Variants in BAAT observed in about 807,000 individuals in gnomAD.
BAAT encodes bile acid CoA: amino acid N-acyltransferase (glycine N-choloyltransferase).
A neutral mutation model predicts 18.9 loss-of-function variants in BAAT; 13 were observed. The ratio of observed to expected loss-of-function variants is 0.69; its 90% confidence interval spans 0.45 to 1.10. BAAT has a LOEUF of 1.10. BAAT is among the 50% of genes least tolerant of loss of function. The pLI is 0.00. For missense variants in BAAT, 489 were observed against 504.0 expected (o/e 0.97, Z 0.28); for synonymous variants, 170 against 190.7 (o/e 0.89, Z 0.89).
At chr9:101,372,908 G>A (rs983629966) in intron 1 of BAAT, among the ~76,000 whole-genome samples, 25 of 152,178 alleles carry the variant, frequency 1.6e-4, no homozygotes, top group African/African-American at 5.1e-4. Context: ...TAGCCACAGA[G>A]TAAGTCTTTC....
At position 101,362,137 on chromosome 9, in the gene BAAT, T is replaced by A. The variant is rs1829736770; in HGVS notation, c.*291A>T. On this transcript the variant is annotated 3_prime_UTR_variant, in exon 4 of 4. Transcript: ENST00000259407. The stretch of plus-strand genomic sequence containing the variant: ...GCTATTCTTGTTTGCCTTTTCTTAT[T>A]TTTGCCAGTGTACTATACCTCAGTC... 2.0e-6 allele frequency: 1 copy of A among 488,788 alleles called. No individual in the cohort carries two copies. The highest frequency in any genetic ancestry group is 3.6e-6 in the Non-Finnish European group (1 of 274,968). The allele number at this position is 488,788 out of a possible 1,614,324, so 30.3% of individuals were successfully genotyped here. A position where few individuals can be genotyped will look rare whatever the true frequency, so the allele number is the denominator to read the frequency against.
intron 1 of BAAT, among the ~76,000 whole-genome samples, 21 bp downstream of exon 1, chr9:101,384,834 G>A (rs1204598446): frequency 2.0e-5 from 3 of 152,088 alleles, no homozygotes; most frequent in Non-Finnish European, 4.4e-5. Context: ...ATGGAAGTAA[G>A]TAAATGAAAA....
At chr9:101,377,489 G>T (rs1035006460) in intron 1 of BAAT, among the ~76,000 whole-genome samples, 1 of 152,178 alleles carries the variant, frequency 6.6e-6, no homozygotes, top group Non-Finnish European at 1.5e-5. Flanking sequence ...GAGTACAGAA[G>T]TTCCTGAGAC....
intron 2 of BAAT, 145 bp from the exon 3 acceptor site, chr9:101,368,467 A>C: frequency 2.6e-6 from 2 of 758,636 alleles, no homozygotes; most frequent in Non-Finnish European, 4.1e-6. Flanking sequence ...TGAGAACACA[A>C]AGCAGAAATG....
chr9:101,362,536 G>T lies in BAAT; in HGVS notation c.1149C>A (p.His383Gln), dbSNP rs767492181. The change falls in exon 4 of 4, where the codon CAC (histidine) becomes CAA (glutamine). Residue 383 changes from histidine to glutamine, a missense_variant. His to Gln is a conservative substitution (Grantham distance 24). Transcript: ENST00000259407. ...CASTTHDLRL[H>Q]WGGEVIPHAA... ...CGTGTGGGATCACCTCTCCTCCCCA[G>T]TGTAACCTCAAATCGTGGGTCGTTG... 7 of 1,613,972 alleles carry T rather than the reference G, an allele frequency of 4.3e-6. No individual in the cohort carries two copies. In the South Asian group the frequency reaches 6.6e-5, roughly 15 times the overall value.
Position 101,362,896 on chromosome 9 carries a change from A to G in BAAT, c.789T>C (p.Pro263=). 1 of 1,614,110 alleles carries G rather than the reference A, an allele frequency of 6.2e-7. No homozygotes were observed. The highest frequency in any genetic ancestry group is 1.1e-5 in the South Asian group (1 of 91,086). The part of the protein sequence containing the change: ...ATVLINGTNF[P]FGIPQVYHGQ... ...CATGATATACCTGTGGAATGCCAAA[A>G]GGAAAGTTGGTCCCATTAATAAGTA... is the stretch of plus-strand genomic sequence containing the variant. Residue 263 remains proline (P), a synonymous_variant, in exon 4 of 4, where the codon CCT becomes CCC. Transcript: ENST00000259407.
intron 1 of BAAT, 21 bp from the exon 2 acceptor site, chr9:101,371,484 G>C: frequency 7.3e-7 from 1 of 1,374,970 alleles, no homozygotes; most frequent in Non-Finnish European, 1.0e-6. Flanking sequence ...AAAGAAAGAG[G>C]AGCAGTAAAA....
Position 101,371,183 on chromosome 9 carries a change from G to A in BAAT, c.222C>T (p.His74=). 6.2e-7 allele frequency: 1 copy of A among 1,614,132 alleles called. No individual in the cohort carries two copies. The highest frequency in any genetic ancestry group is 8.5e-7 in the Non-Finnish European group (1 of 1,180,020). ...TCAGAGACCAGAAGAGACCCATGGG[G>A]TGGACTCCCATATAATCCCCTCCAA... ...SSLGGDYMGV[H]PMGLFWSLKP... The change falls in exon 2 of 4, where the codon CAC becomes CAT. Residue 74 remains histidine, a synonymous_variant. Transcript: ENST00000259407.
At chr9:101,374,630 T>C in intron 1 of BAAT, among the ~76,000 whole-genome samples, 1 of 152,096 alleles carries the variant, frequency 6.6e-6, no homozygotes, top group African/African-American at 2.4e-5. Context: ...TTTGTCATGA[T>C]AAAATCTAAA....
chr9:101,363,398 A>G (rs1829770876), intron 3 of BAAT, among the ~76,000 whole-genome samples: 1 of 152,178 alleles, frequency 6.6e-6, no homozygotes, highest in African/African-American at 2.4e-5. Context: ...GAGACTGAGA[A>G]AGAAAGTGAG....
intron 1 of BAAT, chr9:101,376,671 C>CA (rs1830053152): frequency 6.6e-6 from 1 of 152,258 alleles, no homozygotes; most frequent in Non-Finnish European, 1.5e-5. Flanking sequence ...ACCTCCCACT[C>CA]ACGCACAAAG....
rs1205128950 is a variant in BAAT, at chr9:101,362,197, T to G, written c.*231A>C. The G allele has an allele frequency of 8.2e-6, 5 of 609,628 alleles. No homozygotes were observed. The highest frequency in any genetic ancestry group is 1.4e-5 in the Non-Finnish European group (5 of 348,870). The allele number at this position is 609,628 out of a possible 1,614,324, so 37.8% of individuals were successfully genotyped here. ...AGACCTGATGGAAAGAAAAGTCATG[T>G]AAATAATAAGTAAAATGATTTGTTT... On this transcript the variant is annotated 3_prime_UTR_variant, in exon 4 of 4. Coordinates refer to ENST00000259407, the MANE Select transcript of BAAT (RefSeq NM_001701.4).
chr9:101,378,258 C>T (rs1830078575), intron 1 of BAAT, among the ~76,000 whole-genome samples: 2 of 152,110 alleles, frequency 1.3e-5, no homozygotes, highest in South Asian at 4.1e-4. Flanking sequence ...CAAAAAAGAG[C>T]CCATATAGTC....
intron 1 of BAAT, chr9:101,376,323 A>T: frequency 4.8e-6 from 1 of 209,768 alleles, no homozygotes. Flanking sequence ...ATGCAAGGCC[A>T]GTGATAACTC....
At chr9:101,365,439 C>G (rs1829810031) in intron 3 of BAAT, among the ~76,000 whole-genome samples, 1 of 151,856 alleles carries the variant, frequency 6.6e-6, no homozygotes, top group African/African-American at 2.4e-5. Context: ...ATTTCCTACC[C>G]TGTATATTTA....
intron 1 of BAAT, among the ~76,000 whole-genome samples, chr9:101,372,593 T>G (rs1829971643): frequency 6.7e-6 from 1 of 148,856 alleles, no homozygotes; most frequent in African/African-American, 2.5e-5. Flanking sequence ...ACTATCTGCA[T>G]AAACTACAAA....
In BAAT at chr9:101,362,176, C is replaced by G. The variant is rs1270944487; in HGVS notation, c.*252G>C. 1.7e-6 allele frequency: 1 copy of G among 580,702 alleles called. No homozygotes were observed. Among genetic ancestry groups the G allele is most frequent in the African/African-American group, 1.9e-5 (1 of 53,362 alleles). 36.0% of individuals were successfully genotyped at this position (580,702 alleles called of 1,614,324 possible). On this transcript the variant is annotated 3_prime_UTR_variant, in exon 4 of 4. Coordinates refer to ENST00000259407, the MANE Select transcript of BAAT (RefSeq NM_001701.4). ...TATACCTCAGTCCTATTTAGAAGACCTGATGGAAAGAAAAGTCATGTAAAT... is the reference window on the plus strand; with the variant it reads ...TATACCTCAGTCCTATTTAGAAGACGTGATGGAAAGAAAAGTCATGTAAAT...
At chr9:101,365,267 T>A (rs1157008140) in intron 3 of BAAT, among the ~76,000 whole-genome samples, 1 of 152,134 alleles carries the variant, frequency 6.6e-6, no homozygotes, top group African/African-American at 2.4e-5. Flanking sequence ...CTCCTATATT[T>A]TAAAGGCATT....
At position 101,370,962 on chromosome 9, in the gene BAAT, C is replaced by G; in HGVS notation, c.443G>C (p.Arg148Pro). The G allele has an allele frequency of 1.9e-6, 3 of 1,614,082 alleles. No individual in the cohort carries two copies. The highest frequency in any genetic ancestry group is 1.1e-5 in the South Asian group (1 of 91,076). The change falls in exon 2 of 4, where the codon CGA (arginine) becomes CCA (proline). Residue 148 changes from arginine to proline, a missense_variant. By Grantham distance (103) the Arg-to-Pro change is moderately radical (BLOSUM62 -2). Coordinates refer to ENST00000259407, the MANE Select transcript of BAAT (RefSeq NM_001701.4). ...ACCTGGAGGGAGAAAGAGAGCTCCT[C>G]GAAGGCGGCCTTCTCGAACCTTAAT... ...TRIKVREGRLRGALFLPPGEG... is the reference protein window; with the variant it reads ...TRIKVREGRLPGALFLPPGEG...
Sources: gnomAD v4.1 joint callset for allele counts (sites outside exome capture counted in the v4.1 genomes callset) on GRCh38, gnomAD v4.1.1 for gene constraint, MANE v1.5 for transcripts, NCBI Gene and HGNC (gene_info 2026-07-23, HGNC 2026-07-21) for gene names.